ADAR: variants seen among roughly 807,000 people sequenced by gnomAD.
ADAR encodes double-stranded RNA-specific adenosine deaminase.
In ADAR, 41 loss-of-function variants were observed where a neutral mutation model predicts 113.2. That is an observed-to-expected ratio of 0.36 (90% CI 0.28 to 0.47). The LOEUF (loss-of-function observed/expected upper bound fraction) is 0.47. Ranked by LOEUF, ADAR falls within the 20% of genes least tolerant of loss-of-function variation. ADAR has a pLI of 1.00. For synonymous variants in ADAR, 605 were observed against 572.6 expected, an observed-to-expected ratio of 1.06 and a Z score of -0.81; for missense variants, 1,242 against 1,540.9, an observed-to-expected ratio of 0.81 and a Z score of 3.25.
At chr1:154,590,443 G>A (rs1425120679) in intron 6 of ADAR, 34 bp from the exon 7 acceptor site, 1 of 1,596,384 alleles carries the variant, frequency 6.3e-7, no homozygotes, top group South Asian at 1.1e-5. Flanking sequence ...GAAGACAAGT[G>A]CCAGACCCTG....
At position 154,585,021 on chromosome 1, in the gene ADAR, C is replaced by G. The variant is rs1696654465; in HGVS notation, c.3466G>C (p.Val1156Leu). ...AGAAGAAAAATGTTCTTTTTGGAGA[C>G]CCGGGACAATTCATTCCGTGGCCTA... ...VDGPRNELSRVSKKNIFLLFK... is the reference protein window; with the variant it reads ...VDGPRNELSRLSKKNIFLLFK... The change falls in exon 15 of 15, where the codon GTC (valine) becomes CTC (leucine). Residue 1156 changes from valine (V) to leucine (L), a missense_variant. Transcript: ENST00000368474. 1 of 1,613,956 alleles carries G rather than the reference C, an allele frequency of 6.2e-7. No homozygotes were observed. Among genetic ancestry groups the G allele is most frequent in the East Asian group, 2.2e-5 (1 of 44,880 alleles).
chr1:154,593,805 G>T (rs1356494724), intron 6 of ADAR, among the ~76,000 whole-genome samples: 2 of 152,162 alleles, frequency 1.3e-5, no homozygotes, highest in Non-Finnish European at 2.9e-5. Flanking sequence ...ACTGGAAAAG[G>T]ACAAGAACAG....
intron 7 of ADAR, 32 bp downstream of exon 7, chr1:154,590,152 C>CCCA (rs1553209460): frequency 1.5e-6 from 2 of 1,333,382 alleles, no homozygotes; most frequent in East Asian, 5.1e-5. Context: ...CCCCCCCGCC[C>CCCA]CAAAAAAGGC....
Position 154,584,418 on chromosome 1 carries a change from G to C in ADAR, c.*388C>G, listed in dbSNP as rs1696607619. 9.3e-6 allele frequency: 2 copies of C among 215,986 alleles called. No individual in the cohort carries two copies. The highest frequency in any genetic ancestry group is 1.9e-5 in the Non-Finnish European group (2 of 107,342). The allele number at this position is 215,986 out of a possible 1,614,324, so 13.4% of individuals were successfully genotyped here. A position where few individuals can be genotyped will look rare whatever the true frequency, so the allele number is the denominator to read the frequency against. ...TCAGTCCCTGACATGATCCAGAGTT[G>C]ACTGAAACCTAATCAAGACCGCAAG... On this transcript the variant is annotated 3_prime_UTR_variant, in exon 15 of 15. Transcript: ENST00000368474.
intron 1 of ADAR, among the ~76,000 whole-genome samples, chr1:154,616,419 A>T (rs1275481104): frequency 6.6e-6 from 1 of 151,652 alleles, no homozygotes; most frequent in Non-Finnish European, 1.5e-5. Flanking sequence ...TCCTCCCTCT[A>T]GATTGCCATG....
chr1:154,623,776 G>A lies in ADAR; in HGVS notation c.-871+4079C>T, dbSNP rs368421018. Among the ~76,000 whole-genome samples, 15 of 152,274 alleles carry A rather than the reference G, an allele frequency of 9.9e-5. No individual in the cohort carries two copies. In the East Asian group the frequency reaches 2.9e-3, roughly 29 times the overall value. On this transcript the variant is annotated intron_variant, in intron 1 of 14. Transcript: ENST00000368471. ...CCAGCACTTTGGGAGGCTGAGGCGG[G>A]TGGATCACCTGAGGTCAGGAGTTCA...
In ADAR at chr1:154,596,833, C is replaced by A; in HGVS notation, c.2242G>T (p.Asp748Tyr). 6.2e-7 allele frequency: 1 copy of A among 1,613,634 alleles called. No homozygotes were observed. Among genetic ancestry groups the A allele is most frequent in the South Asian group, 1.1e-5 (1 of 91,018 alleles). ...HGFAAEFKLV[D>Y]QSGPPHEPKF... Reference sequence around the variant, plus strand: ...GGCTCGTGAGGAGGTCCGGACTGGTCGACCAACTTGAATTCAGCAGCAAAG... The same window carrying A: ...GGCTCGTGAGGAGGTCCGGACTGGTAGACCAACTTGAATTCAGCAGCAAAG... The change falls in exon 6 of 15, where the codon GAC (aspartate) becomes TAC (tyrosine). Residue 748 changes from aspartate (D) to tyrosine (Y), a missense_variant. Coordinates refer to ENST00000368474, the MANE Select transcript of ADAR (RefSeq NM_001111.5).
In ADAR at chr1:154,602,522, C is replaced by T; in HGVS notation, c.120G>A (p.Leu40=). The T allele has an allele frequency of 6.2e-7, 1 of 1,614,210 alleles. No homozygotes were observed. Residue 40 remains leucine (L), a synonymous_variant, in exon 2 of 15, where the codon CTG becomes CTA. Coordinates refer to ENST00000368474, the MANE Select transcript of ADAR (RefSeq NM_001111.5). The part of the protein sequence containing the change: ...PGPGSSPSSF[L]LKQIEFLKGQ... The stretch of plus-strand genomic sequence containing the variant: ...CCTTGAGAAATTCTATTTGCTTAAG[C>T]AGGAAACTACTGGGGGAAGATCCTG...
chr1:154,591,413 C>A (rs1697137904), intron 6 of ADAR, among the ~76,000 whole-genome samples: 1 of 152,250 alleles, frequency 6.6e-6, no homozygotes, highest in Non-Finnish European at 1.5e-5. Context: ...CGGCCTTAGG[C>A]CAGGGACCCA....
intron 3 of ADAR, 78 bp downstream of exon 3, chr1:154,598,324 G>A: frequency 6.7e-7 from 1 of 1,484,670 alleles, no homozygotes; most frequent in South Asian, 1.1e-5. Context: ...GTTTAGGCTG[G>A]GATTGCCTCA....
At chr1:154,585,137 CCT>C (rs1696663236) in intron 14 of ADAR, 78 bp downstream of exon 14, 1 of 1,613,700 alleles carries the variant, frequency 6.2e-7, no homozygotes, top group African/African-American at 1.3e-5. Context: ...GCTCTCAAGC[CCT>C]GAGACTGCAG....
intron 1 of ADAR, among the ~76,000 whole-genome samples, chr1:154,606,947 A>AAATATAT (rs1553214982): frequency 5.3e-4 from 79 of 148,500 alleles, no homozygotes; most frequent in African/African-American, 1.2e-3. Flanking sequence ...AAAAAAAAAA[A>AAATATAT]ATATATATAT....
chr1:154,602,495 C>A lies in ADAR; in HGVS notation c.147G>T (p.Gly49=), dbSNP rs745949589. The change falls in exon 2 of 15, where the codon GGG becomes GGT. Residue 49 remains glycine, a synonymous_variant. Transcript: ENST00000368474. ...FLLKQIEFLK[G]QLPEAPVIGK... Reference sequence around the variant, plus strand: ...CAATCACCGGTGCTTCTGGGAGCTGCCCCTTGAGAAATTCTATTTGCTTAA... The same window carrying A: ...CAATCACCGGTGCTTCTGGGAGCTGACCCTTGAGAAATTCTATTTGCTTAA... 6.2e-7 allele frequency: 1 copy of A among 1,614,076 alleles called. No homozygotes were observed. Among genetic ancestry groups the A allele is most frequent in the Non-Finnish European group, 8.5e-7 (1 of 1,180,022 alleles).
chr1:154,622,949 C>T (rs1698831745), intron 1 of ADAR, among the ~76,000 whole-genome samples: 1 of 152,104 alleles, frequency 6.6e-6, no homozygotes, highest in African/African-American at 2.4e-5. Context: ...TAATGAAAGA[C>T]AGTCAATGAG....
At chr1:154,622,815 T>C (rs1235110049) in intron 1 of ADAR, among the ~76,000 whole-genome samples, 4 of 152,232 alleles carry the variant, frequency 2.6e-5, no homozygotes, top group African/African-American at 4.8e-5. Context: ...TTTCCATTCA[T>C]TCATTTAATA....
rs1447422994 is a variant in ADAR at position 154,602,159 on chromosome 1, C to T, written c.483G>A (p.Leu161=). 3.7e-6 allele frequency: 6 copies of T among 1,614,086 alleles called. No individual in the cohort carries two copies. Among genetic ancestry groups the T allele is most frequent in the African/African-American group, 2.7e-5 (2 of 74,924 alleles). The part of the protein sequence containing the change: ...GEGKATTAHD[L]SGKLGTPKKE... ...TCTTCGGAGTCCCAAGTTTCCCAGA[C>T]AGATCATGTGCTGTGGTGGCCTTCC... The change falls in exon 2 of 15, where the codon CTG becomes CTA. Residue 161 remains leucine, a synonymous_variant. Transcript: ENST00000368474.
chr1:154,611,759 T>C (rs150175824), upstream of ADAR, among the ~76,000 whole-genome samples: 490 of 152,314 alleles, frequency 3.2e-3, 2 homozygotes, highest in African/African-American at 0.011. Flanking sequence ...TGACCCCAGA[T>C]GTATCTATAC....
At chr1:154,598,000 G>A in intron 3 of ADAR, 24 bp from the exon 4 acceptor site, 1 of 1,610,500 alleles carries the variant, frequency 6.2e-7, no homozygotes. Context: ...GAGACAAGAA[G>A]AAAACAAAAC....
upstream of ADAR, among the ~76,000 whole-genome samples, chr1:154,609,830 C>T (rs1031571865): frequency 7.2e-5 from 11 of 152,332 alleles, no homozygotes; most frequent in East Asian, 1.9e-3. Flanking sequence ...TTTAGCTAGT[C>T]TGCTAGGGAA....
Sources: allele counts gnomAD v4.1 joint callset (sites outside exome capture counted in the v4.1 genomes callset), GRCh38; gene constraint gnomAD v4.1.1; transcripts MANE v1.5; gene names NCBI Gene and HGNC (gene_info 2026-07-23, HGNC 2026-07-21).